Variants in MKNK1 observed in about 807,000 individuals in gnomAD.
MKNK1 encodes the protein MAP kinase-interacting serine/threonine-protein kinase 1.
In MKNK1, 30 loss-of-function variants were observed where a neutral mutation model predicts 49.3. That is an observed-to-expected ratio of 0.61 (90% CI 0.46 to 0.83). MKNK1 has a LOEUF of 0.83. Among genes scored for constraint, MKNK1 ranks in the 40% least tolerant of loss-of-function variants. The pLI, the probability that MKNK1 is intolerant of heterozygous loss-of-function variation, is 0.00. For synonymous variants in MKNK1, 176 were observed against 201.7 expected (o/e 0.87, Z 1.08); for missense variants, 423 against 524.7 (o/e 0.81, Z 1.89).
rs566787898 is a variant in MKNK1 at position 46,604,191 on chromosome 1, T to G, written c.-177A>C. The G allele has an allele frequency of 1.5e-4, 23 of 152,380 alleles. No individual in the cohort carries two copies. The highest frequency in any genetic ancestry group is 5.5e-4 in the African/African-American group (23 of 41,584). 9.4% of individuals were successfully genotyped at this position (152,380 alleles called of 1,614,324 possible). ...TCGCAGGTCTCGCTTTTACCTTCGC[T>G]GGCTCCCGCCGGGGAGCGGTCGCGC... On this transcript the variant is annotated 5_prime_UTR_variant, in exon 1 of 13. Coordinates refer to ENST00000371945, the MANE Select transcript of MKNK1 (RefSeq NM_001135553.4).
chr1:46,594,420 C>A (rs1372420339), intron 1 of MKNK1, 140 bp from the exon 2 acceptor site: 3 of 474,608 alleles, frequency 6.3e-6, no homozygotes, highest in Non-Finnish European at 1.2e-5. Context: ...TCACAGGTTT[C>A]CCATCTTTAA....
At chr1:46,583,573 G>A (rs533359067) in intron 2 of MKNK1, among the ~76,000 whole-genome samples, 20 of 152,308 alleles carry the variant, frequency 1.3e-4, no homozygotes, top group African/African-American at 4.6e-4. Context: ...AAAGAGGCCA[G>A]CGGAAGCCTG....
chr1:46,558,811 AG>A lies in MKNK1; in HGVS notation c.1014-12del. 2 of 1,610,666 alleles carry A rather than the reference AG, an allele frequency of 1.2e-6. No individual in the cohort carries two copies. ...ATTGTGCTGCTGTTCCTGCAGGGCCAGGGGAAAGCACAGAAAAGAGGGTCAG... is the reference window on the plus strand; with the variant it reads ...ATTGTGCTGCTGTTCCTGCAGGGCCAGGGAAAGCACAGAAAAGAGGGTCAG... On this transcript the variant is annotated splice_polypyrimidine_tract_variant and intron_variant, in intron 12 of 12. Coordinates refer to ENST00000371945, the MANE Select transcript of MKNK1 (RefSeq NM_001135553.4).
chr1:46,558,073 G>A lies in MKNK1; in HGVS notation c.*502C>T, dbSNP rs1426704006. The A allele has an allele frequency of 6.5e-6, 1 of 154,790 alleles. No homozygotes were observed. Among genetic ancestry groups the A allele is most frequent in the Non-Finnish European group, 1.4e-5 (1 of 69,514 alleles). 9.6% of individuals were successfully genotyped at this position (154,790 alleles called of 1,614,324 possible). On this transcript the variant is annotated 3_prime_UTR_variant, in exon 13 of 13. Coordinates refer to ENST00000371945, the MANE Select transcript of MKNK1 (RefSeq NM_001135553.4). ...TGCCCTTCCCTGAATTGAGGGGATGGCTTTGCTCAGCCAAGGGAGAAGACG... is the reference window on the plus strand; with the variant it reads ...TGCCCTTCCCTGAATTGAGGGGATGACTTTGCTCAGCCAAGGGAGAAGACG...
chr1:46,581,710 A>G (rs896759453), intron 3 of MKNK1, among the ~76,000 whole-genome samples: 19 of 152,238 alleles, frequency 1.2e-4, no homozygotes, highest in African/African-American at 4.3e-4. Flanking sequence ...AAGTCATTGG[A>G]GGCTTCTGAG....
intron 2 of MKNK1, chr1:46,584,473 G>A (rs1672210210): frequency 6.6e-6 from 1 of 151,688 alleles, no homozygotes; most frequent in Non-Finnish European, 1.5e-5. Flanking sequence ...ATAAACACAG[G>A]CTCTTGGTTG....
chr1:46,565,868 G>A (rs764367631), intron 8 of MKNK1, among the ~76,000 whole-genome samples: 15 of 152,150 alleles, frequency 9.9e-5, no homozygotes, highest in Admixed American at 7.2e-4. Flanking sequence ...TGTCCTTGCC[G>A]GGAAGCCTGG....
rs551858225 is a variant in MKNK1, at chr1:46,583,038, T to A, written c.100+190A>T. 30 of 683,072 alleles carry A rather than the reference T, an allele frequency of 4.4e-5. No individual in the cohort carries two copies. The African/African-American group carries it at 4.9e-4, about 11-fold the overall frequency. The allele number at this position is 683,072 out of a possible 1,614,324, so 42.3% of individuals were successfully genotyped here. Reference sequence around the variant, plus strand: ...GGCCAGTGCATCATCTGAGAGCTTTTTCCATCCCTGCTCTCTTTCTGTAAT... The same window carrying A: ...GGCCAGTGCATCATCTGAGAGCTTTATCCATCCCTGCTCTCTTTCTGTAAT... On this transcript the variant is annotated intron_variant, in intron 3 of 12. Coordinates refer to ENST00000371945, the MANE Select transcript of MKNK1 (RefSeq NM_001135553.4).
chr1:46,579,214 G>A lies in MKNK1; in HGVS notation c.198+1316C>T, dbSNP rs536500232. Reference sequence around the variant, plus strand: ...GCAGACTTGCTCAACCTTCTAACCCGCAGCTGGGACTGTGGAAAGTTGGTT... The same window carrying A: ...GCAGACTTGCTCAACCTTCTAACCCACAGCTGGGACTGTGGAAAGTTGGTT... On this transcript the variant is annotated intron_variant, in intron 4 of 12. Transcript: ENST00000371945. Among the ~76,000 whole-genome samples the A allele has an allele frequency of 3.3e-5, 5 of 152,336 alleles. No homozygotes were observed. In the South Asian group the frequency reaches 1.0e-3, roughly 32 times the overall value.
chr1:46,580,772 A>G, intron 3 of MKNK1, 145 bp from the exon 4 acceptor site: 1 of 604,650 alleles, frequency 1.7e-6, no homozygotes, highest in South Asian at 2.0e-5. Flanking sequence ...GAAGACAAGT[A>G]GCTTTCCCAG....
At chr1:46,587,680 G>A (rs866201732) in intron 2 of MKNK1, among the ~76,000 whole-genome samples, 32 of 152,268 alleles carry the variant, frequency 2.1e-4, no homozygotes, top group South Asian at 4.1e-4. Flanking sequence ...AGCCAGGCAT[G>A]GTGGTGCATG....
Position 46,568,797 on chromosome 1 carries a change from A to ATGCAG in MKNK1, c.458-304_458-300dup, listed in dbSNP as rs918622922. On this transcript the variant is annotated intron_variant, in intron 7 of 12. Transcript: ENST00000371945. ...CAGTGACCACCAAGAAGAAGGCCTA[A>ATGCAG]TGCAGAGCAGAGCAGAGAGCTCTGC... 7.1e-6 allele frequency: 3 copies of ATGCAG among 420,080 alleles called. No individual in the cohort carries two copies. The Admixed American group carries it at 1.2e-4, about 16-fold the overall frequency. 26.0% of individuals were successfully genotyped at this position (420,080 alleles called of 1,614,324 possible). A position where few individuals can be genotyped will look rare whatever the true frequency, so the allele number is the denominator to read the frequency against.
intron 3 of MKNK1, among the ~76,000 whole-genome samples, chr1:46,581,621 A>G (rs1336485733): frequency 1.3e-5 from 2 of 151,746 alleles, no homozygotes; most frequent in East Asian, 3.9e-4. Context: ...CTGAGCACCT[A>G]TTATGTGCCA....
intron 3 of MKNK1, 31 bp downstream of exon 3, chr1:46,583,197 G>T: frequency 6.4e-7 from 1 of 1,572,600 alleles, no homozygotes; most frequent in South Asian, 1.1e-5. Flanking sequence ...GGAAGCTGCA[G>T]GCCCAGATAT....
chr1:46,575,503 A>G lies in MKNK1; in HGVS notation c.279-483T>C, dbSNP rs76927336. 869 of 156,616 alleles carry G rather than the reference A, an allele frequency of 5.5e-3. 8 individuals carry two copies. Among genetic ancestry groups the G allele is most frequent in the East Asian group, 0.032 (171 of 5,286 alleles). The allele number at this position is 156,616 out of a possible 1,614,324, so 9.7% of individuals were successfully genotyped here. On this transcript the variant is annotated intron_variant, in intron 5 of 12. Transcript: ENST00000371945. ...CTGTCAAATGGACTTGGGGCCTAAC[A>G]TGGGCACCGCTAGACCCTAACTGCT...
intron 4 of MKNK1, chr1:46,580,305 A>G: frequency 1.9e-6 from 1 of 520,886 alleles, no homozygotes; most frequent in South Asian, 2.2e-5. Flanking sequence ...CAACAATTCT[A>G]CATAGGTTCT....
intron 1 of MKNK1, among the ~76,000 whole-genome samples, chr1:46,602,833 T>G (rs1187415967): frequency 6.6e-6 from 1 of 152,140 alleles, no homozygotes; most frequent in Non-Finnish European, 1.5e-5. Context: ...AGGGCACCCA[T>G]GAAGAGGATG....
rs1325519948 is a variant in MKNK1 at position 46,580,586 on chromosome 1, A to G, written c.142T>C (p.Tyr48His). Residue 48 changes from tyrosine (Y) to histidine (H), a missense_variant, in exon 4 of 13, where the codon TAT (tyrosine) becomes CAT (histidine). By Grantham distance (83) the Tyr-to-His change is moderately conservative. Coordinates refer to ENST00000371945, the MANE Select transcript of MKNK1 (RefSeq NM_001135553.4). ...LTSELLGEGA[Y>H]AKVQGAVSLQ... ...CTCACGGCACCTTGAACTTTGGCAT[A>G]GGCTCCCTCTCCAAGCAATTCAGAG... 1.9e-6 allele frequency: 3 copies of G among 1,614,132 alleles called. No individual in the cohort carries two copies. The highest frequency in any genetic ancestry group is 2.5e-6 in the Non-Finnish European group (3 of 1,179,982).
At chr1:46,571,532 G>C (rs1224593380) in intron 7 of MKNK1, 1 of 440,130 alleles carries the variant, frequency 2.3e-6, no homozygotes, top group Non-Finnish European at 4.5e-6. Flanking sequence ...GACAGAGAGA[G>C]ACTTTGTCTA....
Sources: allele counts gnomAD v4.1 joint callset (sites outside exome capture counted in the v4.1 genomes callset), GRCh38; gene constraint gnomAD v4.1.1; transcripts MANE v1.5; gene names NCBI Gene and HGNC (gene_info 2026-07-23, HGNC 2026-07-21).